NCAM2: variants seen among roughly 807,000 people sequenced by gnomAD.
NCAM2 encodes N-CAM-2.
NCAM2 carries 30 observed loss-of-function variants against 98.1 expected under a neutral mutation model. The observed-to-expected ratio is 0.31, with a 90% CI of 0.23 to 0.41. NCAM2 has a LOEUF of 0.41. Ranked by LOEUF, NCAM2 falls within the 10% of genes least tolerant of loss-of-function variation. The pLI is 1.00. For synonymous variants in NCAM2, 368 were observed against 342.4 expected (o/e 1.07, Z -0.83); for missense variants, 867 against 1,005.8 (o/e 0.86, Z 1.87).
At chr21:21,420,984 TTTAAA>T (rs2077098964) in intron 11 of NCAM2, among the ~76,000 whole-genome samples, 2 of 151,886 alleles carry the variant, frequency 1.3e-5, no homozygotes, top group African/African-American at 4.8e-5. Context: ...GCAACTTTTC[TTTAAA>T]TTAGTATATA....
chr21:21,118,650 C>T (rs1401203020), intron 1 of NCAM2, among the ~76,000 whole-genome samples: 1 of 152,060 alleles, frequency 6.6e-6, no homozygotes, highest in Non-Finnish European at 1.5e-5. Context: ...TCTACTTCCC[C>T]TTACTTCCTT....
intron 5 of NCAM2, among the ~76,000 whole-genome samples, chr21:21,319,066 A>G (rs536908576): frequency 2.6e-5 from 4 of 152,146 alleles, no homozygotes; most frequent in African/African-American, 4.8e-5. Context: ...GTGAGAGGCT[A>G]TGATCACACC....
intron 8 of NCAM2, among the ~76,000 whole-genome samples, chr21:21,351,437 C>T (rs1199451212): frequency 6.6e-6 from 1 of 151,974 alleles, no homozygotes; most frequent in African/African-American, 2.4e-5. Context: ...ATGTTGTGTA[C>T]TTAATTGTAA....
At chr21:21,062,669 G>A (rs998825739) in intron 1 of NCAM2, among the ~76,000 whole-genome samples, 9 of 152,286 alleles carry the variant, frequency 5.9e-5, no homozygotes, top group Middle Eastern at 3.4e-3. Context: ...CCTAGCAAAC[G>A]AATGCACCAA....
chr21:21,286,788 G>T (rs1285937806), intron 4 of NCAM2, among the ~76,000 whole-genome samples: 1 of 151,852 alleles, frequency 6.6e-6, no homozygotes, highest in Non-Finnish European at 1.5e-5. Flanking sequence ...GAAAAGGTTT[G>T]CAGACCTTTG....
chr21:21,434,751 G>T, intron 12 of NCAM2, among the ~76,000 whole-genome samples: 1 of 152,198 alleles, frequency 6.6e-6, no homozygotes, highest in East Asian at 1.9e-4. Flanking sequence ...GCCATGCACA[G>T]TTTAAAACTT....
intron 1 of NCAM2, among the ~76,000 whole-genome samples, chr21:21,127,453 T>G (rs1049927115): frequency 6.6e-6 from 1 of 152,128 alleles, no homozygotes; most frequent in African/African-American, 2.4e-5. Flanking sequence ...TATTTATTTG[T>G]TTTGGGAATA....
chr21:21,056,646 A>C (rs2065219259), intron 1 of NCAM2, among the ~76,000 whole-genome samples: 1 of 151,958 alleles, frequency 6.6e-6, no homozygotes, highest in Non-Finnish European at 1.5e-5. Context: ...GAGGTGTGAC[A>C]TGGCTCTCCA....
chr21:21,288,350 CAT>C (rs968136784), intron 4 of NCAM2, among the ~76,000 whole-genome samples: 7 of 151,772 alleles, frequency 4.6e-5, no homozygotes, highest in African/African-American at 1.7e-4. Flanking sequence ...TAATAAATGA[CAT>C]GTATCGCTCT....
chr21:21,250,733 C>G (rs1332847460), intron 1 of NCAM2, among the ~76,000 whole-genome samples: 1 of 152,090 alleles, frequency 6.6e-6, no homozygotes, highest in Admixed American at 6.5e-5. Flanking sequence ...ATTTTGTAAT[C>G]TATGACAGAA....
chr21:21,092,801 T>C (rs1370130209), intron 1 of NCAM2, among the ~76,000 whole-genome samples: 1 of 151,894 alleles, frequency 6.6e-6, no homozygotes. Context: ...GCTCAATTAG[T>C]ATATAATATA....
At chr21:21,537,435 G>A (rs1270344989) in intron 17 of NCAM2, among the ~76,000 whole-genome samples, 1 of 152,042 alleles carries the variant, frequency 6.6e-6, no homozygotes, top group African/African-American at 2.4e-5. Flanking sequence ...TCATATCATT[G>A]ACATTTAAAA....
chr21:21,488,376 A>G (rs576050295), intron 15 of NCAM2, among the ~76,000 whole-genome samples: 9 of 152,162 alleles, frequency 5.9e-5, no homozygotes, highest in Non-Finnish European at 1.2e-4. Context: ...AGTTTCAACC[A>G]CGTACAATTA....
chr21:21,326,797 G>A (rs936639378), intron 6 of NCAM2, among the ~76,000 whole-genome samples: 2 of 152,032 alleles, frequency 1.3e-5, no homozygotes, highest in African/African-American at 4.8e-5. Context: ...AATATATACT[G>A]GGAGGATGAG....
chr21:21,141,680 G>C (rs749769423), intron 1 of NCAM2, among the ~76,000 whole-genome samples: 1 of 152,076 alleles, frequency 6.6e-6, no homozygotes, highest in Non-Finnish European at 1.5e-5. Flanking sequence ...CTCATGGAAG[G>C]CTCTTAAATT....
intron 16 of NCAM2, among the ~76,000 whole-genome samples, chr21:21,525,190 T>G (rs754924751): frequency 6.6e-6 from 1 of 151,790 alleles, no homozygotes; most frequent in Non-Finnish European, 1.5e-5. Flanking sequence ...CAAAACAAAA[T>G]CAATAGAGAA....
At chr21:21,215,982 C>G (rs936568910) in intron 1 of NCAM2, among the ~76,000 whole-genome samples, 8 of 152,102 alleles carry the variant, frequency 5.3e-5, no homozygotes, top group Non-Finnish European at 8.8e-5. Flanking sequence ...TCTTTTATAA[C>G]TGAAATAGGC....
intron 16 of NCAM2, among the ~76,000 whole-genome samples, chr21:21,518,329 A>G (rs1988827229): frequency 6.6e-6 from 1 of 152,212 alleles, no homozygotes; most frequent in Admixed American, 6.5e-5. Context: ...CTGTTCTCAA[A>G]CAAAATGCAA....
chr21:21,125,649 T>C lies in NCAM2; in HGVS notation c.55+127031T>C, dbSNP rs924985125. On this transcript the variant is annotated intron_variant, in intron 1 of 17. Coordinates refer to ENST00000400546, the MANE Select transcript of NCAM2 (RefSeq NM_004540.5). The stretch of plus-strand genomic sequence containing the variant: ...TATAATATATAATATTTTACGTGTA[T>C]ATGTAGAGATATATATATCTATATA... Among the ~76,000 whole-genome samples the C allele has an allele frequency of 1.3e-4, 18 of 138,104 alleles. No individual in the cohort carries two copies. In the East Asian group the frequency reaches 1.8e-3, roughly 14 times the overall value. 90.6% of individuals were successfully genotyped at this position (138,104 alleles called of 152,430 possible).
Sources: gnomAD v4.1 joint callset for allele counts (sites outside exome capture counted in the v4.1 genomes callset) on GRCh38, gnomAD v4.1.1 for gene constraint, MANE v1.5 for transcripts, NCBI Gene and HGNC (gene_info 2026-07-23, HGNC 2026-07-21) for gene names.